Variants in STS observed in about 807,000 individuals in gnomAD.
The protein encoded by STS is steryl-sulfatase.
In STS, 7 loss-of-function variants were observed where a neutral mutation model predicts 26.8. The observed-to-expected ratio is 0.26, with a 90% confidence interval of 0.15 to 0.49. The LOEUF is 0.49. Among genes scored for constraint, STS ranks in the 20% least tolerant of loss-of-function variants. The probability of loss-of-function intolerance (pLI) is 0.98; values close to 1 mark genes in which losing one functional copy is unlikely to be tolerated. For synonymous variants in STS, 199 were observed against 189.4 expected (o/e 1.05, Z -0.42); for missense variants, 434 against 465.6 (o/e 0.93, Z 0.63).
At chrX:7,168,513 T>C (rs757438774) in intron 1 of STS, among the ~76,000 whole-genome samples, 22 of 111,950 alleles carry the variant, frequency 2.0e-4, no homozygotes, top group African/African-American at 7.1e-4. Context: ...GTCTAGGGGC[T>C]GTGGCTCCTC....
chrX:7,312,025 T>TCAAA (rs1178006300), intron 8 of STS, among the ~76,000 whole-genome samples: 27 of 110,625 alleles, frequency 2.4e-4, no homozygotes, highest in Admixed American at 3.8e-4. Context: ...AGACCCTGTC[T>TCAAA]CAAACAAACA....
chrX:7,225,032 T>A (rs181702998), intron 2 of STS, among the ~76,000 whole-genome samples: 2 of 112,230 alleles, frequency 1.8e-5, no homozygotes, highest in African/African-American at 6.5e-5. Context: ...GGGGTCCTCA[T>A]TGGGAAGCCG....
chrX:7,215,009 C>A (rs1183565428), intron 2 of STS, among the ~76,000 whole-genome samples: 1 of 34,161 alleles, frequency 2.9e-5, no homozygotes, highest in Non-Finnish European at 5.4e-5. Flanking sequence ...TACATATATA[C>A]GTATATATAT....
chrX:7,268,647 T>C (rs1435566258), intron 6 of STS, among the ~76,000 whole-genome samples: 2 of 111,388 alleles, frequency 1.8e-5, no homozygotes, highest in Non-Finnish European at 3.8e-5. Context: ...TATCAAAGAG[T>C]CACATTATTC....
chrX:7,303,770 A>G (rs1325147128), intron 7 of STS, among the ~76,000 whole-genome samples: 1 of 111,648 alleles, frequency 9.0e-6, no homozygotes, highest in African/African-American at 3.3e-5. Flanking sequence ...ATAGCTTCCT[A>G]ATCAGAAAGT....
intron 1 of STS, among the ~76,000 whole-genome samples, chrX:7,163,802 G>A (rs368612910): frequency 5.3e-5 from 6 of 112,293 alleles, no homozygotes; most frequent in African/African-American, 1.6e-4. Context: ...CCCACAGATT[G>A]TGGGTATTCA....
At chrX:7,226,205 A>T (rs906389464) in intron 2 of STS, among the ~76,000 whole-genome samples, 17 of 111,838 alleles carry the variant, frequency 1.5e-4, no homozygotes, top group Non-Finnish European at 5.6e-5. Context: ...ACCACAGACA[A>T]TTTTTGCCTT....
intron 10 of STS, 83 bp downstream of exon 10, chrX:7,334,190 T>G (rs1422730265): frequency 2.1e-5 from 25 of 1,183,192 alleles, no homozygotes; most frequent in Middle Eastern, 4.7e-4. Context: ...GGTAAAAAGG[T>G]GGCTCTGCTC....
rs1238860114 is a variant in STS, at chrX:7,354,535, C to T, written c.*4274C>T. 2 of 112,033 alleles carry T rather than the reference C, an allele frequency of 1.8e-5. No individual in the cohort carries two copies. The highest frequency in any genetic ancestry group is 3.8e-5 in the Non-Finnish European group (2 of 53,229). 9.2% of individuals were successfully genotyped at this position (112,033 alleles called of 1,213,427 possible). ...TGAGGCCCTGAGCATTCTTGGTTTT[C>T]CGACATCGTGAACCTGTTCTGTGTT... is the stretch of plus-strand genomic sequence containing the variant. On this transcript the variant is annotated 3_prime_UTR_variant, in exon 11 of 11. Coordinates refer to ENST00000674429, the MANE Select transcript of STS (RefSeq NM_001320752.2).
At chrX:7,186,236 T>C (rs1426700982) in intron 1 of STS, among the ~76,000 whole-genome samples, 2 of 112,435 alleles carry the variant, frequency 1.8e-5, no homozygotes, top group African/African-American at 6.5e-5. Context: ...TGTTCTAGAT[T>C]AAACATTCCA....
chrX:7,171,726 A>G (rs893311869), intron 1 of STS, among the ~76,000 whole-genome samples: 1 of 111,773 alleles, frequency 8.9e-6, no homozygotes, highest in African/African-American at 3.3e-5. Flanking sequence ...TAGGAAATGA[A>G]GCATCACCCG....
chrX:7,343,573 A>G (rs1355879459), intron 10 of STS, among the ~76,000 whole-genome samples: 1 of 112,157 alleles, frequency 8.9e-6, no homozygotes, highest in Admixed American at 9.5e-5. Flanking sequence ...ACTGGGACAC[A>G]GAGAGGTGAG....
At chrX:7,316,716 G>A (rs769690103) in intron 8 of STS, among the ~76,000 whole-genome samples, 121 of 111,761 alleles carry the variant, frequency 1.1e-3, no homozygotes, top group Non-Finnish European at 1.9e-3. Flanking sequence ...TACGTTGGTG[G>A]AACCTGAAAA....
Position 7,250,415 on chromosome X carries a change from AG to A in STS, c.-4-2780del, listed in dbSNP as rs200929074. Among the ~76,000 whole-genome samples the A allele has an allele frequency of 4.2e-3, 447 of 106,620 alleles. 1 individual carries two copies. Among genetic ancestry groups the A allele is most frequent in the Middle Eastern group, 9.6e-3 (2 of 208 alleles). 92.6% of individuals were successfully genotyped at this position (106,620 alleles called of 115,157 possible). On this transcript the variant is annotated intron_variant, in intron 2 of 10. Transcript: ENST00000674429. ...TTAAACCATGCTTTAAAAAAAAAAA[AG>A]AAAGAAAGAAAGAAAGAAATAGGCA...
In STS at chrX:7,259,258, A is replaced by G. The variant is rs752960664; in HGVS notation, c.383-91A>G. The G allele has an allele frequency of 2.6e-5, 25 of 948,801 alleles. No individual in the cohort carries two copies. In the East Asian group the frequency reaches 7.7e-4, roughly 29 times the overall value. The allele number at this position is 948,801 out of a possible 1,213,427, so 78.2% of individuals were successfully genotyped here. On this transcript the variant is annotated intron_variant, in intron 5 of 10. Transcript: ENST00000674429. ...GGCTAGCTTCATGAAATAGTCAGAAAGAACCTCCTTTTCAGCATGTAGGAA... is the reference window on the plus strand; with the variant it reads ...GGCTAGCTTCATGAAATAGTCAGAAGGAACCTCCTTTTCAGCATGTAGGAA...
rs759227791 is a variant in STS at position 7,325,351 on chromosome X, A to C, written c.1094A>C (p.Asn365Thr). ...SNGIYKGGKA[N>T]NWEGGIRVPG... The stretch of plus-strand genomic sequence containing the variant: ...TTTGATCTTTTAGGAGGAAAAGCAA[A>C]CAACTGGGAAGGAGGTATCCGGGTT... The change falls in exon 9 of 11, where the codon AAC (asparagine) becomes ACC (threonine). Residue 365 changes from asparagine to threonine, a missense_variant. Asn to Thr is a moderately conservative substitution (Grantham distance 65, BLOSUM62 0). This residue lies in a region of STS where 205 missense variants were observed against 177.3 expected (regional missense o/e 1.16). Coordinates refer to ENST00000674429, the MANE Select transcript of STS (RefSeq NM_001320752.2). 4.1e-5 allele frequency: 50 copies of C among 1,209,474 alleles called. No individual in the cohort carries two copies. Among genetic ancestry groups the C allele is most frequent in the Middle Eastern group, 2.3e-4 (1 of 4,372 alleles).
rs763298262 is a variant in STS, at chrX:7,352,071, T to A, written c.*1810T>A. The A allele has an allele frequency of 3.6e-5, 4 of 111,911 alleles. No individual in the cohort carries two copies. In the East Asian group the frequency reaches 1.1e-3, roughly 31 times the overall value. The allele number at this position is 111,911 out of a possible 1,213,427, so 9.2% of individuals were successfully genotyped here. ...TCGTTCCAGAAATTGTGGGATAATC[T>A]GTATTCTTGCTTTAGAAAACATTCT... On this transcript the variant is annotated 3_prime_UTR_variant, in exon 11 of 11. Coordinates refer to ENST00000674429, the MANE Select transcript of STS (RefSeq NM_001320752.2).
At chrX:7,150,366 C>T (rs1355050611) in intron 1 of STS, among the ~76,000 whole-genome samples, 2 of 110,778 alleles carry the variant, frequency 1.8e-5, no homozygotes, top group Non-Finnish European at 3.8e-5. Flanking sequence ...GGATTACAGG[C>T]GCCAGCCACC....
At chrX:7,305,273 C>A in intron 8 of STS, 90 bp downstream of exon 8, 1 of 1,119,510 alleles carries the variant, frequency 8.9e-7, no homozygotes, top group Non-Finnish European at 1.2e-6. Context: ...CATAGTTCTT[C>A]TGCTACTTTG....
Sources: allele counts gnomAD v4.1 joint callset (sites outside exome capture counted in the v4.1 genomes callset), GRCh38; gene constraint gnomAD v4.1.1; regional missense constraint gnomAD v4.1.1; transcripts MANE v1.5; gene names NCBI Gene and HGNC (gene_info 2026-07-23, HGNC 2026-07-21).